The following COG6 variants were observed in gnomAD, a reference collection of about 807,000 sequenced individuals.
COG6 encodes conserved oligomeric Golgi complex subunit 6.
Under a neutral mutation model 88.8 loss-of-function variants are expected in COG6, and 74 were observed. The observed-to-expected ratio is 0.83, with a 90% CI of 0.69 to 1.01. The LOEUF (loss-of-function observed/expected upper bound fraction) is 1.01, where lower values mean the gene tolerates loss of function less well. COG6 is among the 50% of genes least tolerant of loss of function. The pLI is 0.00. For missense variants in COG6, 800 were observed against 797.9 expected, an observed-to-expected ratio of 1.00 and a Z score of -0.03; for synonymous variants, 286 against 278.7, an observed-to-expected ratio of 1.03 and a Z score of -0.26.
intron 4 of COG6, among the ~76,000 whole-genome samples, chr13:39,676,812 C>A (rs1006155210): frequency 6.6e-6 from 1 of 152,022 alleles, no homozygotes; most frequent in African/African-American, 2.4e-5. Context: ...TCCTAACTTG[C>A]CTGTGGGTAT....
chr13:39,790,160 T>C (rs1881898223), exon 19 of COG6: 1 of 152,208 alleles, frequency 6.6e-6, no homozygotes, highest in African/African-American at 2.4e-5. Flanking sequence ...GGCTCTGCAG[T>C]CCAGCTATCT....
At chr13:39,712,165 G>A (rs1878280504) in intron 13 of COG6, among the ~76,000 whole-genome samples, 2 of 151,888 alleles carry the variant, frequency 1.3e-5, no homozygotes, top group South Asian at 2.1e-4. Context: ...GCCCTGATGT[G>A]TATCTTGCAT....
intron 18 of COG6, among the ~76,000 whole-genome samples, chr13:39,784,817 C>CCA (rs2138191888): frequency 6.6e-6 from 1 of 152,234 alleles, no homozygotes; most frequent in East Asian, 1.9e-4. Flanking sequence ...TTCAGGAGCT[C>CCA]CCAGAGTATG....
chr13:39,777,915 G>A (rs371179342), intron 18 of COG6, among the ~76,000 whole-genome samples: 22 of 152,320 alleles, frequency 1.4e-4, no homozygotes, highest in African/African-American at 4.8e-4. Context: ...ATATGTGGGA[G>A]AGAAACAAGA....
intron 16 of COG6, among the ~76,000 whole-genome samples, chr13:39,723,926 G>A (rs1878988561): frequency 6.6e-6 from 1 of 151,958 alleles, no homozygotes; most frequent in African/African-American, 2.4e-5. Flanking sequence ...TCTGGGGCCA[G>A]CATATGATCT....
intron 11 of COG6, among the ~76,000 whole-genome samples, chr13:39,691,313 A>T (rs1566181702): frequency 6.6e-6 from 1 of 151,982 alleles, no homozygotes; most frequent in Non-Finnish European, 1.5e-5. Flanking sequence ...CCTTTGTTTT[A>T]AAATGTACTT....
intron 12 of COG6, among the ~76,000 whole-genome samples, chr13:39,695,329 A>C (rs1034641136): frequency 7.9e-5 from 12 of 151,930 alleles, no homozygotes; most frequent in East Asian, 1.9e-4. Context: ...TGACTCCAAA[A>C]TATGCATTCA....
At chr13:39,702,225 A>G (rs1288446460) in intron 13 of COG6, among the ~76,000 whole-genome samples, 1 of 152,034 alleles carries the variant, frequency 6.6e-6, no homozygotes, top group Non-Finnish European at 1.5e-5. Flanking sequence ...AGTTCAGATT[A>G]TATAGAGAAC....
At chr13:39,668,387 C>T (rs938300888) in intron 4 of COG6, among the ~76,000 whole-genome samples, 1 of 152,128 alleles carries the variant, frequency 6.6e-6, no homozygotes, top group African/African-American at 2.4e-5. Flanking sequence ...ATGTCCCTCT[C>T]CCCTACCTTA....
intron 18 of COG6, among the ~76,000 whole-genome samples, chr13:39,729,344 C>G (rs1461601646): frequency 6.6e-6 from 1 of 152,156 alleles, no homozygotes; most frequent in Admixed American, 6.6e-5. Flanking sequence ...CAAAACCAGT[C>G]CCTGCTGCCA....
chr13:39,710,999 CTTCTATTAATCTATA>C (rs1350967641), intron 13 of COG6, among the ~76,000 whole-genome samples: 1 of 151,846 alleles, frequency 6.6e-6, no homozygotes, highest in Non-Finnish European at 1.5e-5. Flanking sequence ...CATGAGTGGG[CTTCTATTAATCTATA>C]ATTGTTTCTG....
intron 18 of COG6, among the ~76,000 whole-genome samples, chr13:39,767,171 C>T (rs988931781): frequency 6.6e-6 from 1 of 152,160 alleles, no homozygotes; most frequent in African/African-American, 2.4e-5. Flanking sequence ...CTTAGTGACA[C>T]TTACTGACAC....
chr13:39,666,959 C>A (rs779238200), intron 4 of COG6, among the ~76,000 whole-genome samples: 1 of 152,106 alleles, frequency 6.6e-6, no homozygotes, highest in African/African-American at 2.4e-5. Flanking sequence ...TATCTTAGAC[C>A]TGTGGCTTTC....
intron 18 of COG6, among the ~76,000 whole-genome samples, chr13:39,744,394 A>T (rs1593468232): frequency 6.6e-6 from 1 of 152,236 alleles, no homozygotes; most frequent in Non-Finnish European, 1.5e-5. Flanking sequence ...CTGACAAGCA[A>T]CTTCAGCAAA....
intron 12 of COG6, among the ~76,000 whole-genome samples, chr13:39,698,596 T>A (rs1288212960): frequency 6.6e-6 from 1 of 151,940 alleles, no homozygotes; most frequent in African/African-American, 2.4e-5. Context: ...ATAATACATG[T>A]GGTATATGAT....
At chr13:39,734,885 A>T (rs1879651602) in intron 18 of COG6, among the ~76,000 whole-genome samples, 1 of 152,102 alleles carries the variant, frequency 6.6e-6, no homozygotes, top group South Asian at 2.1e-4. Flanking sequence ...TTTGCCTTCA[A>T]ATCTATTTTT....
chr13:39,721,232 A>G (rs1424753057), intron 15 of COG6, among the ~76,000 whole-genome samples: 1 of 152,024 alleles, frequency 6.6e-6, no homozygotes, highest in East Asian at 1.9e-4. Flanking sequence ...TTCCATAGCT[A>G]TTTTACGCAT....
intron 18 of COG6, among the ~76,000 whole-genome samples, chr13:39,777,034 A>C (rs569256008): frequency 6.6e-6 from 1 of 152,330 alleles, no homozygotes; most frequent in East Asian, 1.9e-4. Context: ...TGGTTCCATC[A>C]CCAAATTAAC....
chr13:39,731,670 A>G (rs944447949), intron 18 of COG6, among the ~76,000 whole-genome samples: 1 of 152,212 alleles, frequency 6.6e-6, no homozygotes, highest in Non-Finnish European at 1.5e-5. Flanking sequence ...TTTTTCCTCC[A>G]TTATAGAAAT....
Sources: gnomAD v4.1 joint callset for allele counts (sites outside exome capture counted in the v4.1 genomes callset) on GRCh38, gnomAD v4.1.1 for gene constraint, MANE v1.5 for transcripts, NCBI Gene and HGNC (gene_info 2026-07-23, HGNC 2026-07-21) for gene names.